The following NKD2 variants were observed in gnomAD, a reference collection of about 807,000 sequenced individuals.
The protein encoded by NKD2 is NKD inhibitor of Wnt signaling pathway 2, also known as protein naked cuticle homolog 2.
NKD2 carries 43 observed loss-of-function variants against 34.8 expected under a neutral mutation model. The ratio of observed to expected loss-of-function variants is 1.24; its 90% CI spans 0.97 to 1.60. The LOEUF (loss-of-function observed/expected upper bound fraction) is 1.60. Ranked by LOEUF, NKD2 falls within the 40% of genes most tolerant of loss-of-function variation. The pLI is 0.00. For synonymous variants in NKD2, 278 were observed against 265.1 expected, an observed-to-expected ratio of 1.05 and a Z score of -0.47; for missense variants, 675 against 627.1, an observed-to-expected ratio of 1.08 and a Z score of -0.82.
intron 3 of NKD2, among the ~76,000 whole-genome samples, chr5:1,021,852 A>G (rs550261263): frequency 6.6e-6 from 1 of 152,050 alleles, no homozygotes; most frequent in Non-Finnish European, 1.5e-5. Context: ...GATAAGGCGG[A>G]TGGGGTGGTG....
chr5:1,026,198 T>C, intron 3 of NKD2, among the ~76,000 whole-genome samples: 1 of 42,360 alleles, frequency 2.4e-5, no homozygotes, highest in East Asian at 1.4e-3. Flanking sequence ...CCACCCTCTG[T>C]GGGCGTCTCA....
chr5:1,022,353 A>T (rs62330227), intron 3 of NKD2, among the ~76,000 whole-genome samples: 5 of 20,634 alleles, frequency 2.4e-4, no homozygotes, highest in Admixed American at 1.1e-3. Flanking sequence ...GTCTCAGCCC[A>T]TTGTCCCTGC....
In NKD2 at chr5:1,038,024, G is replaced by T; in HGVS notation, c.1007G>T (p.Gly336Val). ...PEKQFLKSPK[G>V]SGKPPGVPAS... ...AAGCAGTTCCTCAAGTCCCCCAAGG[G>T]CTCCGGGAAGCCGCCTGGGGTGCCA... Residue 336 changes from glycine to valine, a missense_variant, in exon 10 of 10, where the codon GGC (glycine) becomes GTC (valine). Coordinates refer to ENST00000296849, the MANE Select transcript of NKD2 (RefSeq NM_033120.4). This position sits in a 1 kb window ranked among gnomAD's most constrained non-coding sequence, Gnocchi z 4.5. The T allele has an allele frequency of 1.2e-6, 2 of 1,608,930 alleles. No homozygotes were observed. Among genetic ancestry groups the T allele is most frequent in the Non-Finnish European group, 8.5e-7 (1 of 1,179,020 alleles).
rs1226531568 is a variant in NKD2, at chr5:1,033,357, C to T, written c.203-15C>T. ...TGCCCTCTGCCAGCCCCTTCGCCTC[C>T]TCTTGTCCCCCTAGTGGCACTCCCC... On this transcript the variant is annotated splice_polypyrimidine_tract_variant and intron_variant, in intron 4 of 9. Transcript: ENST00000296849. 2.1e-5 allele frequency: 34 copies of T among 1,590,136 alleles called. No homozygotes were observed. The highest frequency in any genetic ancestry group is 2.9e-5 in the Non-Finnish European group (34 of 1,168,764).
At position 1,009,742 on chromosome 5, in the gene NKD2, G is replaced by T. The variant is rs1201736621; in HGVS notation, c.141+182G>T. Among the ~76,000 whole-genome samples, 7 of 152,290 alleles carry T rather than the reference G, an allele frequency of 4.6e-5. No homozygotes were observed. The East Asian group carries it at 1.4e-3, about 30-fold the overall frequency. On this transcript the variant is annotated intron_variant, in intron 3 of 9. Coordinates refer to ENST00000296849, the MANE Select transcript of NKD2 (RefSeq NM_033120.4). This position sits in a 1 kb window ranked among gnomAD's most constrained non-coding sequence, Gnocchi z 6.9. ...AGCCTCCACGACGTCTGGGGCTCCCGTGGGGCGAGCCCTTGCTAGTGTCCC... is the reference window on the plus strand; with the variant it reads ...AGCCTCCACGACGTCTGGGGCTCCCTTGGGGCGAGCCCTTGCTAGTGTCCC...
At position 1,034,224 on chromosome 5, in the gene NKD2, TC is replaced by T; in HGVS notation, c.331-5del. 1.2e-6 allele frequency: 2 copies of T among 1,602,320 alleles called. No homozygotes were observed. Among genetic ancestry groups the T allele is most frequent in the Non-Finnish European group, 8.5e-7 (1 of 1,175,490 alleles). ...AGGAGGCGAGGTCCCGGCCCCCACG[TC>T]CCCCCACAGGCACTCCAGTGCGATG... On this transcript the variant is annotated splice_polypyrimidine_tract_variant and intron_variant, in intron 5 of 9. Coordinates refer to ENST00000296849, the MANE Select transcript of NKD2 (RefSeq NM_033120.4).
At chr5:1,012,992 G>T (rs1391796328) in intron 3 of NKD2, among the ~76,000 whole-genome samples, 2 of 152,232 alleles carry the variant, frequency 1.3e-5, no homozygotes, top group Non-Finnish European at 2.9e-5. Flanking sequence ...ATACACATTT[G>T]CAGGAGAGAC....
chr5:1,012,686 G>C lies in NKD2; in HGVS notation c.141+3126G>C, dbSNP rs546151037. On this transcript the variant is annotated intron_variant, in intron 3 of 9. Coordinates refer to ENST00000296849, the MANE Select transcript of NKD2 (RefSeq NM_033120.4). ...GCTCAGCCCCACTACATGGCTTGACGCCTTCCGACTGGAACCAGCCACAGT... is the reference window on the plus strand; with the variant it reads ...GCTCAGCCCCACTACATGGCTTGACCCCTTCCGACTGGAACCAGCCACAGT... 4.6e-5 allele frequency among the ~76,000 whole-genome samples: 7 copies of C among 152,360 alleles called. No homozygotes were observed. The East Asian group carries it at 1.3e-3, about 29-fold the overall frequency.
rs376253580 is a variant in NKD2 at position 1,014,738 on chromosome 5, A to G, written c.141+5178A>G. ...TCTCAGGAAGCCAGGAGTCTGGGCC[A>G]AGGGCTCCTGTCCTCCACCCCCGCT... is the stretch of plus-strand genomic sequence containing the variant. On this transcript the variant is annotated intron_variant, in intron 3 of 9. Transcript: ENST00000296849. 9.8e-5 allele frequency among the ~76,000 whole-genome samples: 15 copies of G among 152,324 alleles called. No individual in the cohort carries two copies. In the East Asian group the frequency reaches 2.1e-3, roughly 22 times the overall value.
intron 3 of NKD2, among the ~76,000 whole-genome samples, chr5:1,018,451 A>G (rs980587828): frequency 1.3e-5 from 2 of 152,232 alleles, no homozygotes; most frequent in East Asian, 1.9e-4. Flanking sequence ...CAAAGCGGAC[A>G]TGGGCCTGGG....
chr5:1,028,467 C>G lies in NKD2; in HGVS notation c.142-3685C>G, dbSNP rs367956453. ...TGGGGTTGAGCTGCTCAGGCAGATGCGGCTGCTTTCCTTATGGGATGAGGC... is the reference window on the plus strand; with the variant it reads ...TGGGGTTGAGCTGCTCAGGCAGATGGGGCTGCTTTCCTTATGGGATGAGGC... On this transcript the variant is annotated intron_variant, in intron 3 of 9. Coordinates refer to ENST00000296849, the MANE Select transcript of NKD2 (RefSeq NM_033120.4). Among the ~76,000 whole-genome samples, 17 of 152,278 alleles carry G rather than the reference C, an allele frequency of 1.1e-4. No homozygotes were observed. The East Asian group carries it at 2.3e-3, about 21-fold the overall frequency.
At chr5:1,018,792 C>T (rs1044998891) in intron 3 of NKD2, among the ~76,000 whole-genome samples, 1 of 152,152 alleles carries the variant, frequency 6.6e-6, no homozygotes, top group East Asian at 1.9e-4. Context: ...CCATGCCAAC[C>T]ACCTAGCTGT....
Position 1,008,845 on chromosome 5 carries a change from C to A in NKD2, c.-213C>A. 3.1e-6 allele frequency: 1 copy of A among 323,410 alleles called. No homozygotes were observed. Among genetic ancestry groups the A allele is most frequent in the Non-Finnish European group, 5.6e-6 (1 of 179,020 alleles). The allele number at this position is 323,410 out of a possible 1,614,324, so 20.0% of individuals were successfully genotyped here. On this transcript the variant is annotated 5_prime_UTR_variant, in exon 1 of 10. Transcript: ENST00000296849. ...GTCGCTGCCGCCGCTGTCCCCGCGCCCTGCGCCCGGTGGCCCCCCACCTCC... is the reference window on the plus strand; with the variant it reads ...GTCGCTGCCGCCGCTGTCCCCGCGCACTGCGCCCGGTGGCCCCCCACCTCC...
chr5:1,029,162 T>TC (rs1756542090), intron 3 of NKD2, among the ~76,000 whole-genome samples: 1 of 152,232 alleles, frequency 6.6e-6, no homozygotes, highest in Non-Finnish European at 1.5e-5. Context: ...GCTCATTTTT[T>TC]CCCGTTTGAT....
chr5:1,037,322 T>G (rs921746014), intron 9 of NKD2, among the ~76,000 whole-genome samples: 1 of 152,084 alleles, frequency 6.6e-6, no homozygotes, highest in African/African-American at 2.4e-5. Flanking sequence ...GGGGGCTCAG[T>G]GCGCTGTGTG....
At chr5:1,018,329 G>A (rs997617424) in intron 3 of NKD2, among the ~76,000 whole-genome samples, 2 of 152,182 alleles carry the variant, frequency 1.3e-5, no homozygotes, top group Non-Finnish European at 2.9e-5. Flanking sequence ...TGTTCCTCGG[G>A]CTCCGAGCCC....
intron 5 of NKD2, 88 bp downstream of exon 5, chr5:1,033,587 C>A: frequency 7.1e-7 from 1 of 1,416,552 alleles, no homozygotes; most frequent in South Asian, 1.4e-5. Flanking sequence ...AACTGGGCAT[C>A]TGTGGACACG....
chr5:1,037,657 G>A (rs551885657), intron 9 of NKD2, 148 bp from the exon 10 acceptor site: 426 of 1,536,090 alleles, frequency 2.8e-4, no homozygotes, highest in Non-Finnish European at 3.6e-4. Context: ...TTCAGGGCTG[G>A]TGGCCGTCTG....
At chr5:1,028,789 A>C in intron 3 of NKD2, among the ~76,000 whole-genome samples, 1 of 93,014 alleles carries the variant, frequency 1.1e-5, no homozygotes, top group African/African-American at 4.5e-5. Flanking sequence ...ATTGAGGGGG[A>C]GGGTTGGGCC....
Sources: gnomAD v4.1 joint callset for allele counts (sites outside exome capture counted in the v4.1 genomes callset) on GRCh38, gnomAD v4.1.1 for gene constraint, Gnocchi (gnomAD v3.1) non-coding constraint, MANE v1.5 for transcripts, NCBI Gene and HGNC (gene_info 2026-07-23, HGNC 2026-07-21) for gene names.